Variants in MTMR11 observed in about 807,000 individuals in gnomAD.
MTMR11 encodes the protein myotubularin-related protein 11.
In MTMR11, 89 loss-of-function variants were observed where a neutral mutation model predicts 100.0. The observed-to-expected ratio is 0.89, with a 90% CI of 0.75 to 1.06. The LOEUF is 1.06. Among genes scored for constraint, MTMR11 ranks in the 50% least tolerant of loss-of-function variants. MTMR11 has a pLI of 0.00. For synonymous variants in MTMR11, 336 were observed against 326.3 expected (o/e 1.03, Z -0.32); for missense variants, 809 against 873.7 (o/e 0.93, Z 0.93).
At chr1:149,929,566 T>G (rs2092627598) in intron 16 of MTMR11, 57 bp downstream of exon 16, 6 of 1,538,928 alleles carry the variant, frequency 3.9e-6, no homozygotes, top group Non-Finnish European at 5.3e-6. Flanking sequence ...CTCCTGTTCA[T>G]CTGGTTCAGC....
intron 7 of MTMR11, 24 bp from the exon 8 acceptor site, chr1:149,933,966 A>G (rs782689583): frequency 6.3e-7 from 1 of 1,599,750 alleles, no homozygotes; most frequent in Non-Finnish European, 8.6e-7. Context: ...GTGATATTAC[A>G]GTTTGGCTCA....
At chr1:149,933,581 C>CTTGATTCTT (rs782381124) in intron 9 of MTMR11, 29 bp downstream of exon 9, 1 of 1,614,120 alleles carries the variant, frequency 6.2e-7, no homozygotes, top group East Asian at 2.2e-5. Flanking sequence ...GCACCTAACC[C>CTTGATTCTT]TTGATTCTTC....
In MTMR11 at chr1:149,928,857, A is replaced by G. The variant is rs2101651891; in HGVS notation, c.*272T>C. ...TTGGGACTGATGAACAGCATCTCTG[A>G]TCTCATGATTTAACATCTGGTTATC... is the stretch of plus-strand genomic sequence containing the variant. On this transcript the variant is annotated 3_prime_UTR_variant, in exon 17 of 17. Transcript: ENST00000439741. The G allele has an allele frequency of 6.2e-7, 1 of 1,611,144 alleles. No individual in the cohort carries two copies. The highest frequency in any genetic ancestry group is 8.5e-7 in the Non-Finnish European group (1 of 1,177,278).
Position 149,933,681 on chromosome 1 carries a change from G to T in MTMR11, c.789C>A (p.His263Gln), listed in dbSNP as rs1553768204. The T allele has an allele frequency of 6.8e-6, 11 of 1,614,208 alleles. No homozygotes were observed. Among genetic ancestry groups the T allele is most frequent in the Non-Finnish European group, 9.3e-6 (11 of 1,180,038 alleles). Residue 263 changes from histidine (H) to glutamine (Q), a missense_variant, in exon 9 of 17, where the codon CAC becomes CAA. His to Gln is a conservative substitution (Grantham distance 24). Transcript: ENST00000439741. The stretch of plus-strand genomic sequence containing the variant: ...AGCGGAGAAGATCACTGCCCCCAGG[G>T]TGATGCCAGGACAAGCGCTTCACAT... ...QGRGPRLSWH[H>Q]PGGSDLLRCG... is the part of the protein sequence containing the mutation.
intron 10 of MTMR11, 91 bp downstream of exon 10, chr1:149,933,315 T>A: frequency 6.0e-6 from 9 of 1,501,100 alleles, no homozygotes; most frequent in Non-Finnish European, 8.2e-6. Flanking sequence ...ACTAAAGAGC[T>A]ACTCATCTAC....
intron 12 of MTMR11, 72 bp from the exon 13 acceptor site, chr1:149,931,498 G>C: frequency 2.8e-6 from 4 of 1,407,526 alleles, no homozygotes; most frequent in Non-Finnish European, 3.8e-6. Context: ...AATGAGAAGA[G>C]AAATACGGCA....
At chr1:149,931,071 A>C (rs1379353598) in intron 13 of MTMR11, 106 bp from the exon 14 acceptor site, 2 of 1,360,158 alleles carry the variant, frequency 1.5e-6, no homozygotes, top group African/African-American at 3.0e-5. Flanking sequence ...AACTTATGGA[A>C]GTCAGGGAAT....
intron 16 of MTMR11, 43 bp downstream of exon 16, chr1:149,929,580 G>A (rs781946681): frequency 2.5e-6 from 4 of 1,570,518 alleles, no homozygotes; most frequent in South Asian, 2.4e-5. Flanking sequence ...GTTCAGCAGA[G>A]TCAAGTCCCT....
chr1:149,931,417 T>C lies in MTMR11; in HGVS notation c.1133A>G (p.Asp378Gly). Reference protein sequence around the residue: ...VRSVILQERGDRDLNGLLSSL... With the variant: ...VRSVILQERGGRDLNGLLSSL... ...AGAGAGGAGGCCATTGAGATCACGA[T>C]CACCGCGCTCTGGGTGATAAAGAGG... Residue 378 changes from aspartate (D) to glycine (G), a missense_variant, in exon 13 of 17, where the codon GAT (aspartate) becomes GGT (glycine). Physicochemically the swap from Asp to Gly is moderately conservative, Grantham distance 94. Coordinates refer to ENST00000439741, the MANE Select transcript of MTMR11 (RefSeq NM_001145862.2). 1 of 1,600,388 alleles carries C rather than the reference T, an allele frequency of 6.2e-7. No individual in the cohort carries two copies. The highest frequency in any genetic ancestry group is 2.3e-5 in the East Asian group (1 of 44,370).
intron 14 of MTMR11, 80 bp downstream of exon 14, chr1:149,930,712 A>G (rs2092646983): frequency 2.1e-6 from 3 of 1,457,700 alleles, no homozygotes; most frequent in South Asian, 2.8e-5. Context: ...CTCACTTCTC[A>G]TAAAACAAAT....
At position 149,929,035 on chromosome 1, in the gene MTMR11, G is replaced by A; in HGVS notation, c.*94C>T. The A allele has an allele frequency of 2.5e-6, 4 of 1,592,186 alleles. No individual in the cohort carries two copies. Among genetic ancestry groups the A allele is most frequent in the Non-Finnish European group, 3.4e-6 (4 of 1,168,208 alleles). Reference sequence around the variant, plus strand: ...CACCACTATCTGCAGCAGAAACTCAGACCTTCTTAGTGAACTTAAGGGCTG... The same window carrying A: ...CACCACTATCTGCAGCAGAAACTCAAACCTTCTTAGTGAACTTAAGGGCTG... On this transcript the variant is annotated 3_prime_UTR_variant, in exon 17 of 17. Transcript: ENST00000439741.
At chr1:149,930,244 A>G in intron 15 of MTMR11, 121 bp downstream of exon 15, 2 of 1,060,442 alleles carry the variant, frequency 1.9e-6, no homozygotes, top group South Asian at 3.1e-5. Flanking sequence ...TGACAGCTGC[A>G]GAAGAGTAGT....
Position 149,934,291 on chromosome 1 carries a change from G to A in MTMR11, c.583C>T (p.Leu195Phe). The A allele has an allele frequency of 6.2e-7, 1 of 1,614,218 alleles. No individual in the cohort carries two copies. Among genetic ancestry groups the A allele is most frequent in the Non-Finnish European group, 8.5e-7 (1 of 1,180,036 alleles). The change falls in exon 7 of 17, where the codon CTC (leucine) becomes TTC (phenylalanine). Residue 195 changes from leucine (L) to phenylalanine (F), a missense_variant. Coordinates refer to ENST00000439741, the MANE Select transcript of MTMR11 (RefSeq NM_001145862.2). ...TCCCAGTCTTCCGCTGTCTCCATGA[G>A]AGGAATTGGTGGTTTTCTGGAGCCA... is the stretch of plus-strand genomic sequence containing the variant. ...GSGSRKPPIPLMETAEDWETE... is the reference protein window; with the variant it reads ...GSGSRKPPIPFMETAEDWETE...
intron 11 of MTMR11, 58 bp downstream of exon 11, chr1:149,932,206 A>G (rs2092668993): frequency 1.3e-6 from 2 of 1,562,110 alleles, no homozygotes; most frequent in East Asian, 4.5e-5. Flanking sequence ...ACCCCAAGTT[A>G]ACAGAAGGTT....
intron 12 of MTMR11, 146 bp from the exon 13 acceptor site, chr1:149,931,572 G>C (rs1012662641): frequency 2.5e-5 from 18 of 718,210 alleles, no homozygotes; most frequent in Non-Finnish European, 2.2e-5. Flanking sequence ...GCACATAGAA[G>C]TGAAGAGAAA....
At position 149,931,271 on chromosome 1, in the gene MTMR11, C is replaced by G; in HGVS notation, c.1279G>C (p.Ala427Pro). 1 of 1,614,100 alleles carries G rather than the reference C, an allele frequency of 6.2e-7. No homozygotes were observed. The highest frequency in any genetic ancestry group is 1.3e-5 in the African/African-American group (1 of 75,002). Residue 427 changes from alanine to proline, a missense_variant, in exon 13 of 17, where the codon GCC becomes CCC. By Grantham distance (27) the Ala-to-Pro change is conservative (BLOSUM62 -1). Transcript: ENST00000439741. ...CGAATCATTCTCACCTCTTCACTGG[C>G]CCCAGTTCCCCCAAGCCGAGTCAGG... Reference protein sequence around the residue: ...PFLTRLGGTGASEEAPVFLLF... With the variant: ...PFLTRLGGTGPSEEAPVFLLF...
In MTMR11 at chr1:149,929,263, G is replaced by A. The variant is rs782736637; in HGVS notation, c.1996C>T (p.Gln666Ter). 11 of 1,614,040 alleles carry A rather than the reference G, an allele frequency of 6.8e-6. No individual in the cohort carries two copies. The highest frequency in any genetic ancestry group is 9.3e-6 in the Non-Finnish European group (11 of 1,180,030). The change falls in exon 17 of 17, where the codon CAG (glutamine) becomes TAG (stop). Residue 666 changes from glutamine to a stop codon, truncating the protein, a stop_gained. Transcript: ENST00000439741. LOFTEE classifies it high-confidence loss of function. ...GGTGTCCATTTCCGTAATAACTCCTGAAGATGGGATAGCTCATCCTGGAGG... is the reference window on the plus strand; with the variant it reads ...GGTGTCCATTTCCGTAATAACTCCTAAAGATGGGATAGCTCATCCTGGAGG... The part of the protein sequence containing the change: ...SGLQDELSHL[Q>*]ELLRKWTPRI...
At position 149,935,677 on chromosome 1, in the gene MTMR11, C is replaced by T; in HGVS notation, c.171G>A (p.Gly57=). The T allele has an allele frequency of 1.2e-6, 2 of 1,612,564 alleles. No homozygotes were observed. Among genetic ancestry groups the T allele is most frequent in the Non-Finnish European group, 1.7e-6 (2 of 1,179,316 alleles). Residue 57 remains glycine (G), a synonymous_variant, in exon 3 of 17, where the codon GGG becomes GGA. Transcript: ENST00000439741. The stretch of plus-strand genomic sequence containing the variant: ...ATTCTGGTTCCAGGCCCTTCCTCAC[C>T]CCTGGGGCCCATGCTAGGATCTGCT... The part of the protein sequence containing the change: ...PGEQILAWAP[G]VRKGLEPELS...
intron 10 of MTMR11, among the ~76,000 whole-genome samples, chr1:149,933,145 G>A (rs193136095): frequency 1.3e-3 from 190 of 151,892 alleles, no homozygotes; most frequent in African/African-American, 4.1e-3. Context: ...TAGTAGAAAC[G>A]GGGTTTCACC....
Sources: gnomAD v4.1 joint callset for allele counts (sites outside exome capture counted in the v4.1 genomes callset) on GRCh38, gnomAD v4.1.1 for gene constraint, MANE v1.5 for transcripts, NCBI Gene and HGNC (gene_info 2026-07-23, HGNC 2026-07-21) for gene names.